IQANK1: variants seen among roughly 807,000 people sequenced by gnomAD.
IQANK1 encodes the protein IQ motif and ankyrin repeat containing 1.
Under a neutral mutation model 22.6 loss-of-function variants are expected in IQANK1, and 30 were observed. The observed-to-expected ratio is 1.33, with a 90% CI of 0.99 to 1.80. The LOEUF (loss-of-function observed/expected upper bound fraction) is 1.80. Ranked by LOEUF, IQANK1 falls within the 40% of genes most tolerant of loss-of-function variation. The probability of loss-of-function intolerance (pLI) is 0.00; values close to 1 mark genes in which losing one functional copy is unlikely to be tolerated. For synonymous variants in IQANK1, 122 were observed against 99.6 expected (o/e 1.23, Z -1.34); for missense variants, 275 against 235.2 (o/e 1.17, Z -1.11).
At chr8:143,776,049 C>T (rs556270045) in intron 7 of IQANK1, among the ~76,000 whole-genome samples, 11 of 146,550 alleles carry the variant, frequency 7.5e-5, no homozygotes, top group South Asian at 2.1e-4. Flanking sequence ...CGGCCGGGCG[C>T]GGCGGCTCAC....
intron 2 of IQANK1, among the ~76,000 whole-genome samples, chr8:143,736,914 C>A (rs947113998): frequency 6.6e-6 from 1 of 152,146 alleles, no homozygotes. Flanking sequence ...CAGGCCTGCA[C>A]TGGGGTCTGT....
intron 7 of IQANK1, among the ~76,000 whole-genome samples, chr8:143,786,348 C>G (rs527828047): frequency 1.8e-4 from 28 of 152,318 alleles, no homozygotes; most frequent in African/African-American, 6.7e-4. Flanking sequence ...AGGCTACTGT[C>G]CTTAGGACCC....
chr8:143,781,072 A>G (rs1819789272), intron 7 of IQANK1, among the ~76,000 whole-genome samples: 2 of 152,154 alleles, frequency 1.3e-5, no homozygotes, highest in Non-Finnish European at 2.9e-5. Context: ...CATTTCTCTG[A>G]TGATCAGTGA....
intron 3 of IQANK1, among the ~76,000 whole-genome samples, chr8:143,740,768 C>T (rs1224422276): frequency 6.6e-6 from 1 of 152,248 alleles, no homozygotes; most frequent in Non-Finnish European, 1.5e-5. Flanking sequence ...ATCGCCTGAT[C>T]GCCTGTGTAC....
At chr8:143,778,785 G>C (rs1472073273) in intron 7 of IQANK1, among the ~76,000 whole-genome samples, 2 of 152,180 alleles carry the variant, frequency 1.3e-5, no homozygotes, top group Non-Finnish European at 2.9e-5. Context: ...TATTTATTTA[G>C]AGATGGAGTC....
rs1442681522 is a variant in IQANK1 at position 143,758,308 on chromosome 8, T to C, written c.176-13180T>C. 6.6e-6 allele frequency: 1 copy of C among 151,842 alleles called. No individual in the cohort carries two copies. The highest frequency in any genetic ancestry group is 6.6e-5 in the Admixed American group (1 of 15,244). 9.4% of individuals were successfully genotyped at this position (151,842 alleles called of 1,614,324 possible). A position where few individuals can be genotyped will look rare whatever the true frequency, so the allele number is the denominator to read the frequency against. ...GGAGAAACTTCGTCTCTACTGAAAA[T>C]ACAAAATTAGCTGGGCATGGTGGCA... On this transcript the variant is annotated intron_variant, in intron 3 of 13. Transcript: ENST00000527139. This position sits in a 1 kb window ranked among gnomAD's most constrained non-coding sequence, Gnocchi z 4.2.
At chr8:143,757,622 C>T (rs1018000125) in intron 3 of IQANK1, among the ~76,000 whole-genome samples, 2 of 152,148 alleles carry the variant, frequency 1.3e-5, no homozygotes, top group Non-Finnish European at 2.9e-5. Context: ...CAGGCATGAG[C>T]CACCACGCTT....
intron 3 of IQANK1, among the ~76,000 whole-genome samples, chr8:143,753,159 A>G (rs1008756395): frequency 9.9e-5 from 15 of 151,764 alleles, no homozygotes; most frequent in African/African-American, 2.7e-4. Context: ...GTGTGCCACC[A>G]TGCCTGGCTA....
At chr8:143,764,648 G>A (rs1451472496) in intron 3 of IQANK1, among the ~76,000 whole-genome samples, 7 of 151,952 alleles carry the variant, frequency 4.6e-5, no homozygotes, top group East Asian at 1.9e-4. Flanking sequence ...TAACAAACGT[G>A]CAAACATTTG....
In IQANK1 at chr8:143,790,583, T is replaced by G; in HGVS notation, c.1658T>G (p.Val553Gly). The G allele has an allele frequency of 2.5e-6, 1 of 398,920 alleles. No individual in the cohort carries two copies. The highest frequency in any genetic ancestry group is 4.4e-6 in the Non-Finnish European group (1 of 226,126). The allele number at this position is 398,920 out of a possible 1,614,324, so 24.7% of individuals were successfully genotyped here. A position where few individuals can be genotyped will look rare whatever the true frequency, so the allele number is the denominator to read the frequency against. Reference sequence around the variant, plus strand: ...CTGCAGGTGCTGCTCCCAGTGCGCGTGCAGCTGCCAGGCACAGGCCTCTAG... The same window carrying G: ...CTGCAGGTGCTGCTCCCAGTGCGCGGGCAGCTGCCAGGCACAGGCCTCTAG... ...EQLQVLLPVR[V>G]QLPGTGL is the part of the protein sequence containing the mutation. Residue 553 changes from valine (V) to glycine (G), a missense_variant, in exon 14 of 14, where the codon GTG becomes GGG. Transcript: ENST00000527139.
intron 7 of IQANK1, among the ~76,000 whole-genome samples, chr8:143,773,520 G>A (rs1819626707): frequency 6.6e-6 from 1 of 151,980 alleles, no homozygotes; most frequent in African/African-American, 2.4e-5. Context: ...TCCCATCTCA[G>A]TCATTATGTT....
At chr8:143,744,145 C>G (rs1818982125) in intron 3 of IQANK1, 1 of 195,264 alleles carries the variant, frequency 5.1e-6, no homozygotes. Flanking sequence ...TTTCCACTTT[C>G]ATGGACCCTC....
At chr8:143,750,808 C>T (rs1486205330) in intron 3 of IQANK1, among the ~76,000 whole-genome samples, 1 of 152,052 alleles carries the variant, frequency 6.6e-6, no homozygotes, top group African/African-American at 2.4e-5. Context: ...AGCAAGAACC[C>T]ACCTCTAAAA....
chr8:143,750,120 T>A (rs1367742774), intron 3 of IQANK1, among the ~76,000 whole-genome samples: 1 of 152,108 alleles, frequency 6.6e-6, no homozygotes, highest in Non-Finnish European at 1.5e-5. Context: ...TTCTCCTGCC[T>A]CTCAAGTAGC....
chr8:143,735,585 G>C lies in IQANK1; in HGVS notation c.-4-265G>C, dbSNP rs1257113282. 6.6e-6 allele frequency among the ~76,000 whole-genome samples: 1 copy of C among 152,162 alleles called. No homozygotes were observed. The highest frequency in any genetic ancestry group is 1.5e-5 in the Non-Finnish European group (1 of 68,022). On this transcript the variant is annotated intron_variant, in intron 1 of 13. Transcript: ENST00000527139. The surrounding 1 kb of genome is among the most constrained non-coding windows in gnomAD (Gnocchi z 5.2). The stretch of plus-strand genomic sequence containing the variant: ...TCCTGCGCCCGGCAGGATGGGCTGA[G>C]CCTGGGGCGGAGGGGCAGGCAAGCC...
rs1199352752 is a variant in IQANK1, at chr8:143,774,727, T to C, written c.789+2245T>C. Among the ~76,000 whole-genome samples the C allele has an allele frequency of 6.6e-6, 1 of 152,218 alleles. No homozygotes were observed. The highest frequency in any genetic ancestry group is 2.4e-5 in the African/African-American group (1 of 41,452). ...ATGTTCACAGCAGCTTTATTTACAA[T>C]AGCCAAAAAGTGGAAACGACTCAGA... is the stretch of plus-strand genomic sequence containing the variant. On this transcript the variant is annotated intron_variant, in intron 7 of 13. Coordinates refer to ENST00000527139, the MANE Select transcript of IQANK1 (RefSeq NM_001381874.1). This position sits in a 1 kb window ranked among gnomAD's most constrained non-coding sequence, Gnocchi z 4.2.
chr8:143,778,059 G>T (rs1554630619), intron 7 of IQANK1, among the ~76,000 whole-genome samples: 1 of 152,154 alleles, frequency 6.6e-6, no homozygotes, highest in African/African-American at 2.4e-5. Flanking sequence ...GCCGGGCATC[G>T]TAGCGGGCGC....
rs990006187 is a variant in IQANK1, at chr8:143,772,472, C to A, written c.779C>A (p.Thr260Asn). 1 of 399,078 alleles carries A rather than the reference C, an allele frequency of 2.5e-6. No homozygotes were observed. The highest frequency in any genetic ancestry group is 4.4e-6 in the Non-Finnish European group (1 of 226,222). 24.7% of individuals were successfully genotyped at this position (399,078 alleles called of 1,614,324 possible). The change falls in exon 7 of 14, where the codon ACC becomes AAC. Residue 260 changes from threonine to asparagine, a missense_variant. Physicochemically the swap from Thr to Asn is moderately conservative, Grantham distance 65. Transcript: ENST00000527139. The part of the protein sequence containing the change: ...DPRVYAEDGS[T>N]PERVASLDTV... ...CGGGTGTACGCAGAGGACGGGAGCA[C>A]CCCTGAGCGGGTGTGGACCCCAGAG...
At chr8:143,737,895 G>A (rs1475854955) in intron 2 of IQANK1, among the ~76,000 whole-genome samples, 1 of 152,224 alleles carries the variant, frequency 6.6e-6, no homozygotes, top group African/African-American at 2.4e-5. Flanking sequence ...ACCTCATGGA[G>A]CCTCAGCAGT....
Sources: gnomAD v4.1 joint callset for allele counts (sites outside exome capture counted in the v4.1 genomes callset) on GRCh38, gnomAD v4.1.1 for gene constraint, Gnocchi (gnomAD v3.1) non-coding constraint, MANE v1.5 for transcripts, NCBI Gene and HGNC (gene_info 2026-07-23, HGNC 2026-07-21) for gene names.